The following TRIM71 variants were observed in gnomAD, a reference collection of about 807,000 sequenced individuals.
TRIM71 encodes the protein E3 ubiquitin-protein ligase TRIM71.
In TRIM71, 9 loss-of-function variants were observed where a neutral mutation model predicts 61.2. The ratio of observed to expected loss-of-function variants is 0.15; its 90% CI spans 0.09 to 0.26. The LOEUF is 0.26. Ranked by LOEUF, TRIM71 falls within the 10% of genes least tolerant of loss-of-function variation. TRIM71 has a pLI of 1.00. For missense variants in TRIM71, 998 were observed against 1,238.7 expected (o/e 0.81, Z 2.92); for synonymous variants, 645 against 553.2 (o/e 1.17, Z -2.33).
intron 1 of TRIM71, among the ~76,000 whole-genome samples, chr3:32,843,142 G>C (rs1199768382): frequency 6.6e-6 from 1 of 152,112 alleles, no homozygotes; most frequent in African/African-American, 2.4e-5. Flanking sequence ...GACTGAATTG[G>C]TCAAGTCATG....
At chr3:32,834,997 A>T (rs1385243954) in intron 1 of TRIM71, among the ~76,000 whole-genome samples, 1 of 152,126 alleles carries the variant, frequency 6.6e-6, no homozygotes, top group Non-Finnish European at 1.5e-5. Context: ...ATTTTTCCAG[A>T]TTTTTTTGTT....
intron 2 of TRIM71, among the ~76,000 whole-genome samples, chr3:32,874,778 C>T (rs1696836879): frequency 6.6e-6 from 1 of 151,802 alleles, no homozygotes; most frequent in Admixed American, 6.6e-5. Flanking sequence ...CCTGCCTCAG[C>T]CTCCCAAAGT....
chr3:32,832,689 A>C (rs1424800018), intron 1 of TRIM71, among the ~76,000 whole-genome samples: 1 of 152,090 alleles, frequency 6.6e-6, no homozygotes, highest in Admixed American at 6.5e-5. Flanking sequence ...CCGTCTCAAT[A>C]AAAAATATTA....
intron 1 of TRIM71, among the ~76,000 whole-genome samples, chr3:32,870,485 A>AGGGATT (rs1417007025): frequency 9.2e-5 from 14 of 152,034 alleles, no homozygotes; most frequent in Non-Finnish European, 2.1e-4. Context: ...AATGATACCA[A>AGGGATT]GCAGGGATTG....
intron 1 of TRIM71, among the ~76,000 whole-genome samples, chr3:32,834,336 A>G (rs1696308170): frequency 6.6e-6 from 1 of 152,256 alleles, no homozygotes. Context: ...TACAAATTTC[A>G]TGTTAAGCCT....
intron 1 of TRIM71, among the ~76,000 whole-genome samples, chr3:32,827,612 A>G (rs1196627788): frequency 6.6e-6 from 1 of 152,202 alleles, no homozygotes; most frequent in Non-Finnish European, 1.5e-5. Context: ...CTTCTGCAGA[A>G]TAGCACATTT....
intron 1 of TRIM71, among the ~76,000 whole-genome samples, chr3:32,845,934 T>G (rs9846740): frequency 6.6e-6 from 1 of 151,846 alleles, no homozygotes; most frequent in Non-Finnish European, 1.5e-5. Context: ...TTGGCCAGGC[T>G]GGTCTCGATC....
chr3:32,870,905 T>G (rs1255325391), intron 1 of TRIM71, among the ~76,000 whole-genome samples: 2 of 152,056 alleles, frequency 1.3e-5, no homozygotes, highest in Non-Finnish European at 2.9e-5. Flanking sequence ...CTCAACTTCT[T>G]AGGCTCAAGG....
intron 2 of TRIM71, among the ~76,000 whole-genome samples, chr3:32,880,283 C>T (rs1323770913): frequency 6.6e-6 from 1 of 152,104 alleles, no homozygotes; most frequent in East Asian, 1.9e-4. Context: ...TCCGCTTCCA[C>T]CTCCCAAAAT....
In TRIM71 at chr3:32,891,814, G is replaced by T. The variant is rs1266332522; in HGVS notation, c.*3G>T. Reference sequence around the variant, plus strand: ...ACAATCGAATCCTCGTCTTCTAATTGCATTTCCTAGGTTTCTGTGTTTGGG... The same window carrying T: ...ACAATCGAATCCTCGTCTTCTAATTTCATTTCCTAGGTTTCTGTGTTTGGG... On this transcript the variant is annotated 3_prime_UTR_variant, in exon 4 of 4. Coordinates refer to ENST00000383763, the MANE Select transcript of TRIM71 (RefSeq NM_001039111.3). The surrounding 1 kb of genome is among the most constrained non-coding windows in gnomAD (Gnocchi z 8.2). 6.2e-7 allele frequency: 1 copy of T among 1,613,038 alleles called. No homozygotes were observed. The highest frequency in any genetic ancestry group is 8.5e-7 in the Non-Finnish European group (1 of 1,179,920).
At chr3:32,853,123 T>A (rs78154463) in intron 1 of TRIM71, among the ~76,000 whole-genome samples, 1 of 61,068 alleles carries the variant, frequency 1.6e-5, no homozygotes, top group African/African-American at 4.1e-5. Flanking sequence ...TCTCTCTCTT[T>A]TTTTTTTTTT....
chr3:32,891,904 G>C lies in TRIM71; in HGVS notation c.*93G>C. 1 of 1,489,986 alleles carries C rather than the reference G, an allele frequency of 6.7e-7. No individual in the cohort carries two copies. The highest frequency in any genetic ancestry group is 2.2e-4 in the Middle Eastern group (1 of 4,628). 92.3% of individuals were successfully genotyped at this position (1,489,986 alleles called of 1,614,324 possible). A position where few individuals can be genotyped will look rare whatever the true frequency, so the allele number is the denominator to read the frequency against. On this transcript the variant is annotated 3_prime_UTR_variant, in exon 4 of 4. Coordinates refer to ENST00000383763, the MANE Select transcript of TRIM71 (RefSeq NM_001039111.3). The surrounding 1 kb of genome is among the most constrained non-coding windows in gnomAD (Gnocchi z 8.2). The stretch of plus-strand genomic sequence containing the variant: ...TTTCTCTCTCTTTTTGAATTTCAAA[G>C]AAGAAACAGTCTCAGGGAAATTTCT...
intron 1 of TRIM71, among the ~76,000 whole-genome samples, chr3:32,820,299 G>C (rs1696113697): frequency 1.3e-5 from 2 of 152,212 alleles, no homozygotes; most frequent in Admixed American, 1.3e-4. Flanking sequence ...TTGCCTGATG[G>C]CCTTTAGCTG....
rs1697040896 is a variant in TRIM71 at position 32,892,798 on chromosome 3, G to C, written c.*987G>C. ...TGGAAGGAAAAAGGAAATTAACCTC[G>C]TTCTCAGAGAGAGGGTTTTCAGGCA... On this transcript the variant is annotated 3_prime_UTR_variant, in exon 4 of 4. Coordinates refer to ENST00000383763, the MANE Select transcript of TRIM71 (RefSeq NM_001039111.3). 1 of 152,166 alleles carries C rather than the reference G, an allele frequency of 6.6e-6. No individual in the cohort carries two copies. Among genetic ancestry groups the C allele is most frequent in the Non-Finnish European group, 1.5e-5 (1 of 68,026 alleles). 9.4% of individuals were successfully genotyped at this position (152,166 alleles called of 1,614,324 possible). A position where few individuals can be genotyped will look rare whatever the true frequency, so the allele number is the denominator to read the frequency against.
chr3:32,885,727 C>T (rs1177666529), intron 2 of TRIM71, among the ~76,000 whole-genome samples: 1 of 152,076 alleles, frequency 6.6e-6, no homozygotes, highest in Non-Finnish European at 1.5e-5. Context: ...CAAAGAAATC[C>T]AGCTCTTGCC....
At chr3:32,841,472 G>C (rs2125679168) in intron 1 of TRIM71, among the ~76,000 whole-genome samples, 1 of 151,966 alleles carries the variant, frequency 6.6e-6, no homozygotes, top group South Asian at 2.1e-4. Flanking sequence ...GAGCTCAGGA[G>C]ACCAGCCTGG....
chr3:32,830,902 C>CT (rs1380435809), intron 1 of TRIM71, among the ~76,000 whole-genome samples: 8 of 152,248 alleles, frequency 5.3e-5, no homozygotes, highest in Admixed American at 3.9e-4. Flanking sequence ...CCTCTACCTC[C>CT]TGGGTTCAAG....
chr3:32,881,973 C>G (rs979456410), intron 2 of TRIM71, among the ~76,000 whole-genome samples: 1 of 152,138 alleles, frequency 6.6e-6, no homozygotes, highest in Non-Finnish European at 1.5e-5. Flanking sequence ...AGCTTTGAAT[C>G]CCCCTTTGAA....
chr3:32,852,759 TAAAA>T (rs36040321), intron 1 of TRIM71, among the ~76,000 whole-genome samples: 2 of 133,858 alleles, frequency 1.5e-5, no homozygotes, highest in East Asian at 4.0e-4. Flanking sequence ...TACTGTCTTT[TAAAA>T]AAAAAAAAAA....
Sources: gnomAD v4.1 joint callset for allele counts (sites outside exome capture counted in the v4.1 genomes callset) on GRCh38, gnomAD v4.1.1 for gene constraint, Gnocchi (gnomAD v3.1) non-coding constraint, MANE v1.5 for transcripts, NCBI Gene and HGNC (gene_info 2026-07-23, HGNC 2026-07-21) for gene names.